Variants in GRM5 observed in about 807,000 individuals in gnomAD.
GRM5 encodes the protein glutamate metabotropic receptor 5, also known as metabotropic glutamate receptor 5.
GRM5 carries 19 observed loss-of-function variants against 83.1 expected under a neutral mutation model. The observed-to-expected ratio is 0.23, with a 90% CI of 0.16 to 0.34. The LOEUF (loss-of-function observed/expected upper bound fraction) is 0.34, where lower values mean the gene tolerates loss of function less well. Among genes scored for constraint, GRM5 ranks in the 10% least tolerant of loss-of-function variants. The probability of loss-of-function intolerance (pLI) is 1.00; values close to 1 mark genes in which losing one functional copy is unlikely to be tolerated. For missense variants in GRM5, 1,160 were observed against 1,588.3 expected (o/e 0.73, Z 4.58); for synonymous variants, 675 against 633.6 (o/e 1.07, Z -0.98).
At chr11:88,718,297 TAAC>T (rs1941444037) in intron 3 of GRM5, among the ~76,000 whole-genome samples, 1 of 151,960 alleles carries the variant, frequency 6.6e-6, no homozygotes, top group African/African-American at 2.4e-5. Flanking sequence ...CCAATTTTCC[TAAC>T]ACAGTACTTA....
intron 5 of GRM5, among the ~76,000 whole-genome samples, chr11:88,599,140 G>T (rs549657921): frequency 1.6e-4 from 24 of 152,220 alleles, no homozygotes; most frequent in African/African-American, 5.3e-4. Context: ...AATTTATATT[G>T]TAAGGCTTTT....
rs113645602 is a variant in GRM5 at position 88,583,463 on chromosome 11, C to T, written c.1690+7138G>A. On this transcript the variant is annotated intron_variant, in intron 7 of 9. Transcript: ENST00000305447. Reference sequence around the variant, plus strand: ...GAAGCGTTTTACAGCTTTGGACTTACGTAAGATACATTTCTTTTATGATTG... The same window carrying T: ...GAAGCGTTTTACAGCTTTGGACTTATGTAAGATACATTTCTTTTATGATTG... 2.7e-3 allele frequency among the ~76,000 whole-genome samples: 404 copies of T among 152,308 alleles called. 6 individuals are homozygous for T. Among genetic ancestry groups the T allele is most frequent in the African/African-American group, 9.1e-3 (379 of 41,562 alleles).
intron 2 of GRM5, among the ~76,000 whole-genome samples, chr11:88,893,106 C>A (rs1300848866): frequency 2.0e-5 from 3 of 148,688 alleles, no homozygotes; most frequent in African/African-American, 7.5e-5. Flanking sequence ...TAGTATTTTG[C>A]TTAATTATTA....
At chr11:89,004,363 C>T (rs1051013373) in intron 2 of GRM5, among the ~76,000 whole-genome samples, 1 of 152,054 alleles carries the variant, frequency 6.6e-6, no homozygotes, top group African/African-American at 2.4e-5. Flanking sequence ...CTAATATTGA[C>T]ATTTATATGC....
intron 3 of GRM5, among the ~76,000 whole-genome samples, chr11:88,665,117 G>C (rs1394523009): frequency 7.1e-6 from 1 of 141,258 alleles, no homozygotes; most frequent in African/African-American, 2.6e-5. Context: ...TGTGTCCAAA[G>C]GTATATACAT....
intron 4 of GRM5, among the ~76,000 whole-genome samples, chr11:88,637,126 T>C (rs1420696212): frequency 1.3e-5 from 2 of 152,174 alleles, no homozygotes; most frequent in Non-Finnish European, 2.9e-5. Flanking sequence ...GCATTGAATC[T>C]ATAAATTACC....
At chr11:88,821,348 A>AG (rs1943788330) in intron 3 of GRM5, among the ~76,000 whole-genome samples, 2 of 148,544 alleles carry the variant, frequency 1.3e-5, no homozygotes, top group African/African-American at 5.0e-5. Context: ...AGGGGCCAAA[A>AG]AAAAAAAAAA....
At chr11:88,884,335 T>C (rs1457444092) in intron 2 of GRM5, among the ~76,000 whole-genome samples, 1 of 152,176 alleles carries the variant, frequency 6.6e-6, no homozygotes, top group Non-Finnish European at 1.5e-5. Flanking sequence ...TGAAGCCCCT[T>C]TGTTTTGGCC....
intron 2 of GRM5, among the ~76,000 whole-genome samples, chr11:88,928,449 T>C (rs975909994): frequency 4.5e-4 from 5 of 11,198 alleles, no homozygotes; most frequent in African/African-American, 7.2e-4. Flanking sequence ...CTATCATATG[T>C]GTGTGTGTGT....
intron 3 of GRM5, among the ~76,000 whole-genome samples, chr11:88,759,741 C>G (rs776427382): frequency 2.0e-5 from 3 of 152,104 alleles, no homozygotes; most frequent in Non-Finnish European, 4.4e-5. Context: ...CAGACATCTA[C>G]AGAACTCTCC....
chr11:88,512,834 G>T (rs750868538), intron 9 of GRM5, among the ~76,000 whole-genome samples: 1 of 152,186 alleles, frequency 6.6e-6, no homozygotes, highest in Non-Finnish European at 1.5e-5. Context: ...AAAATAAAAA[G>T]TATACTCAAT....
intron 3 of GRM5, among the ~76,000 whole-genome samples, chr11:88,836,742 TTGACATACCGCCACTGCACTC>T (rs1944101573): frequency 3.9e-5 from 6 of 152,084 alleles, no homozygotes; most frequent in Non-Finnish European, 7.4e-5. Flanking sequence ...CTGCAGTGAC[TTGACATACCGCCACTGCACTC>T]CAGCTTGGGT....
At chr11:88,754,204 G>C (rs576474477) in intron 3 of GRM5, among the ~76,000 whole-genome samples, 2 of 152,120 alleles carry the variant, frequency 1.3e-5, no homozygotes, top group Non-Finnish European at 2.9e-5. Context: ...AACATCACCT[G>C]TTCTGACTTA....
Position 89,047,955 on chromosome 11 carries a change from C to A in GRM5, c.-83G>T, listed in dbSNP as rs548231238. On this transcript the variant is annotated 5_prime_UTR_variant, in exon 2 of 10. Coordinates refer to ENST00000305447, the MANE Select transcript of GRM5 (RefSeq NM_001143831.3). The surrounding 1 kb of genome is among the most constrained non-coding windows in gnomAD (Gnocchi z 5.1). ...TCTGATAGCTACGAACAAGCGATGT[C>A]CTACGTTGAGTCGCAAATCAAGAAA... 1 of 989,804 alleles carries A rather than the reference C, an allele frequency of 1.0e-6. No individual in the cohort carries two copies. Among genetic ancestry groups the A allele is most frequent in the Non-Finnish European group, 1.5e-6 (1 of 652,550 alleles). The allele number at this position is 989,804 out of a possible 1,614,324, so 61.3% of individuals were successfully genotyped here.
At chr11:88,821,111 C>G (rs1036006162) in intron 3 of GRM5, among the ~76,000 whole-genome samples, 1 of 152,030 alleles carries the variant, frequency 6.6e-6, no homozygotes, top group African/African-American at 2.4e-5. Context: ...CCCGAAAGGG[C>G]TCTACATCAG....
chr11:88,965,797 T>C (rs1483813660), intron 2 of GRM5, among the ~76,000 whole-genome samples: 1 of 152,128 alleles, frequency 6.6e-6, no homozygotes, highest in African/African-American at 2.4e-5. Context: ...CACACAATTG[T>C]AGTGGATTTG....
intron 8 of GRM5, among the ~76,000 whole-genome samples, chr11:88,541,469 C>A (rs1164780995): frequency 6.6e-6 from 1 of 152,124 alleles, no homozygotes; most frequent in African/African-American, 2.4e-5. Flanking sequence ...TACACACATA[C>A]AATCACACAC....
chr11:88,593,408 TG>T (rs1171975084), intron 6 of GRM5, among the ~76,000 whole-genome samples: 3 of 152,140 alleles, frequency 2.0e-5, no homozygotes, highest in African/African-American at 7.2e-5. Context: ...CTGGGTGCAG[TG>T]GCTCATGCCT....
chr11:88,767,905 A>G (rs1001758978), intron 3 of GRM5, among the ~76,000 whole-genome samples: 2 of 151,972 alleles, frequency 1.3e-5, no homozygotes, highest in African/African-American at 4.8e-5. Flanking sequence ...CTTACACCCA[A>G]TAGGATAGCA....
Sources: gnomAD v4.1 joint callset for allele counts (sites outside exome capture counted in the v4.1 genomes callset) on GRCh38, gnomAD v4.1.1 for gene constraint, Gnocchi (gnomAD v3.1) non-coding constraint, MANE v1.5 for transcripts, NCBI Gene and HGNC (gene_info 2026-07-23, HGNC 2026-07-21) for gene names.